The following TP63 variants were observed in gnomAD, a reference collection of about 807,000 sequenced individuals.
TP63 encodes tumor protein 63.
TP63 carries 17 observed loss-of-function variants against 82.8 expected under a neutral mutation model. That is an observed-to-expected ratio of 0.21 (90% CI 0.14 to 0.31). The LOEUF (loss-of-function observed/expected upper bound fraction) is 0.31, where lower values mean the gene tolerates loss of function less well. Ranked by LOEUF, TP63 falls within the 10% of genes least tolerant of loss-of-function variation. The probability of loss-of-function intolerance (pLI) is 1.00; values close to 1 mark genes in which losing one functional copy is unlikely to be tolerated. For missense variants in TP63, 648 were observed against 895.3 expected (o/e 0.72, Z 3.52); for synonymous variants, 330 against 321.7 (o/e 1.03, Z -0.28).
At chr3:189,610,667 A>C in the TP63 span, among the ~76,000 whole-genome samples, 1 of 152,000 alleles carries the variant, frequency 6.6e-6, no homozygotes, top group African/African-American at 2.4e-5. Flanking sequence ...AACTGTTCCA[A>C]CTTCTGCCTG....
intron 4 of TP63, among the ~76,000 whole-genome samples, chr3:189,842,780 A>G (rs1714321641): frequency 6.6e-6 from 1 of 152,128 alleles, no homozygotes. Flanking sequence ...CCTTTTTCTC[A>G]TGATGGTCGT....
At chr3:189,841,930 C>T (rs1332231782) in intron 4 of TP63, among the ~76,000 whole-genome samples, 4 of 152,066 alleles carry the variant, frequency 2.6e-5, no homozygotes, top group Non-Finnish European at 4.4e-5. Context: ...TCAGGCAGGA[C>T]GCTGAGCTCT....
At chr3:189,662,729 A>G (rs554076969) in intron 1 of TP63, among the ~76,000 whole-genome samples, 1 of 152,170 alleles carries the variant, frequency 6.6e-6, no homozygotes, top group Admixed American at 6.5e-5. Flanking sequence ...AAAAAATATA[A>G]ATAAATATAT....
the TP63 span, among the ~76,000 whole-genome samples, chr3:189,620,726 G>A: frequency 3.3e-5 from 5 of 152,178 alleles, no homozygotes; most frequent in African/African-American, 7.2e-5. Flanking sequence ...TCCTTGGTTG[G>A]AAGCAGCCCA....
chr3:189,886,448 A>G lies in TP63; in HGVS notation c.1404A>G (p.Lys468=), dbSNP rs753627633. The change falls in exon 11 of 14, where the codon AAA becomes AAG. Residue 468 remains lysine (K), a synonymous_variant. Coordinates refer to ENST00000264731, the MANE Select transcript of TP63 (RefSeq NM_003722.5). ...SYGNSSPPLN[K]MNSMNKLPSV... ...GTAACAGCTCCCCACCTCTGAACAA[A>G]ATGAACAGCATGAACAAGCTGCCTT... 12 of 1,613,972 alleles carry G rather than the reference A, an allele frequency of 7.4e-6. No individual in the cohort carries two copies. Among genetic ancestry groups the G allele is most frequent in the South Asian group, 4.4e-5 (4 of 91,076 alleles).
intron 4 of TP63, among the ~76,000 whole-genome samples, chr3:189,849,179 C>T (rs949814777): frequency 6.6e-6 from 1 of 152,182 alleles, no homozygotes; most frequent in African/African-American, 2.4e-5. Flanking sequence ...CATACCACTC[C>T]CTAGATGTCT....
intron 4 of TP63, among the ~76,000 whole-genome samples, chr3:189,843,650 G>A (rs1714465768): frequency 6.6e-6 from 1 of 152,160 alleles, no homozygotes; most frequent in African/African-American, 2.4e-5. Flanking sequence ...AGGATATGGT[G>A]GCCTTGGACT....
intron 3 of TP63, among the ~76,000 whole-genome samples, chr3:189,783,753 G>C (rs1363590457): frequency 2.6e-5 from 4 of 151,690 alleles, no homozygotes; most frequent in African/African-American, 4.8e-5. Context: ...AGCACTAAAG[G>C]GAATTAATAT....
At position 189,880,012 on chromosome 3, in the gene TP63, T is replaced by C. The variant is rs889412211; in HGVS notation, c.1350-6382T>C. On this transcript the variant is annotated intron_variant, in intron 10 of 13. Transcript: ENST00000264731. Reference sequence around the variant, plus strand: ...TGTTTCTGAATTCAATTGATTTGAATAGATGAAGTCCTAGGCCTTCATTTT... The same window carrying C: ...TGTTTCTGAATTCAATTGATTTGAACAGATGAAGTCCTAGGCCTTCATTTT... 14 of 1,598,700 alleles carry C rather than the reference T, an allele frequency of 8.8e-6. No homozygotes were observed. The African/African-American group carries it at 1.5e-4, about 17-fold the overall frequency.
intron 4 of TP63, among the ~76,000 whole-genome samples, chr3:189,847,534 C>T (rs949430516): frequency 6.6e-6 from 1 of 152,154 alleles, no homozygotes; most frequent in Non-Finnish European, 1.5e-5. Flanking sequence ...AGAGGCCAAT[C>T]GTTTTTGAAA....
chr3:189,673,847 A>C (rs1715151119), intron 1 of TP63, among the ~76,000 whole-genome samples: 1 of 152,178 alleles, frequency 6.6e-6, no homozygotes, highest in Non-Finnish European at 1.5e-5. Context: ...GGTCATTAAT[A>C]GAATTGGAAA....
intron 1 of TP63, among the ~76,000 whole-genome samples, chr3:189,718,253 GA>G (rs1719110540): frequency 6.6e-6 from 1 of 151,810 alleles, no homozygotes; most frequent in African/African-American, 2.4e-5. Flanking sequence ...TATTTAAAGG[GA>G]AAAATAAACC....
chr3:189,864,303 C>T lies in TP63; in HGVS notation c.651C>T (p.Thr217=), dbSNP rs761152678. 1.9e-6 allele frequency: 3 copies of T among 1,614,190 alleles called. No homozygotes were observed. Among genetic ancestry groups the T allele is most frequent in the Non-Finnish European group, 2.5e-6 (3 of 1,180,038 alleles). ...GCCCCATCCAGATCAAGGTGATGACCCCACCTCCTCAGGGAGCTGTTATCC... is the reference window on the plus strand; with the variant it reads ...GCCCCATCCAGATCAAGGTGATGACTCCACCTCCTCAGGGAGCTGTTATCC... ...KTCPIQIKVM[T]PPPQGAVIRA... is the part of the protein sequence containing the mutation. The change falls in exon 5 of 14, where the codon ACC becomes ACT. Residue 217 remains threonine, a synonymous_variant. Coordinates refer to ENST00000264731, the MANE Select transcript of TP63 (RefSeq NM_003722.5).
At chr3:189,685,747 T>G (rs1316591103) in intron 1 of TP63, among the ~76,000 whole-genome samples, 1 of 152,204 alleles carries the variant, frequency 6.6e-6, no homozygotes, top group African/African-American at 2.4e-5. Flanking sequence ...TTTGAAAGCA[T>G]TATTTTATAG....
chr3:189,844,215 A>G, intron 4 of TP63: 1 of 391,180 alleles, frequency 2.6e-6, no homozygotes, highest in African/African-American at 2.2e-5. Flanking sequence ...CTTGTCTCCC[A>G]GGCTGGAGTG....
At chr3:189,800,366 T>C (rs1408824771) in intron 3 of TP63, among the ~76,000 whole-genome samples, 1 of 152,010 alleles carries the variant, frequency 6.6e-6, no homozygotes, top group Non-Finnish European at 1.5e-5. Flanking sequence ...AAGATCAGAT[T>C]TGCAATGCCT....
intron 3 of TP63, among the ~76,000 whole-genome samples, chr3:189,755,332 A>C (rs1354956200): frequency 6.6e-6 from 1 of 152,178 alleles, no homozygotes; most frequent in Non-Finnish European, 1.5e-5. Context: ...TATGAAAGCA[A>C]TACAACCAAC....
chr3:189,671,714 A>C (rs1192843440), intron 1 of TP63, among the ~76,000 whole-genome samples: 1 of 152,162 alleles, frequency 6.6e-6, no homozygotes, highest in Non-Finnish European at 1.5e-5. Context: ...GCAATAAAAA[A>C]GAATGAAATA....
intron 3 of TP63, among the ~76,000 whole-genome samples, chr3:189,805,154 A>C (rs1033023020): frequency 6.6e-6 from 1 of 152,202 alleles, no homozygotes; most frequent in Non-Finnish European, 1.5e-5. Context: ...ATCATTCCAA[A>C]GGACTCTTGT....
Sources: allele counts gnomAD v4.1 joint callset (sites outside exome capture counted in the v4.1 genomes callset), GRCh38; gene constraint gnomAD v4.1.1; transcripts MANE v1.5; gene names NCBI Gene and HGNC (gene_info 2026-07-23, HGNC 2026-07-21).